Variants in RTL9 observed in about 807,000 individuals in gnomAD.
RTL9 encodes the protein retrotransposon Gag-like protein 9.
In RTL9, 19 loss-of-function variants were observed where a neutral mutation model predicts 44.7. That is an observed-to-expected ratio of 0.42 (90% CI 0.30 to 0.62). The LOEUF is 0.62. Among genes scored for constraint, RTL9 ranks in the 20% least tolerant of loss-of-function variants. The pLI is 0.16. For synonymous variants in RTL9, 407 were observed against 398.9 expected (o/e 1.02, Z -0.24); for missense variants, 1,105 against 1,080.6 (o/e 1.02, Z -0.32).
intron 1 of RTL9, among the ~76,000 whole-genome samples, chrX:110,364,035 T>A (rs1253783885): frequency 9.0e-6 from 1 of 111,632 alleles, no homozygotes; most frequent in Non-Finnish European, 1.9e-5. Context: ...TATTTATACT[T>A]TCACAGTTCT....
At chrX:110,449,473 T>TG (rs1252841690), upstream of RTL9, among the ~76,000 whole-genome samples, 17 of 112,574 alleles carry the variant, frequency 1.5e-4, no homozygotes, top group Admixed American at 4.7e-4. Context: ...GGGCAGGCTG[T>TG]GGGGACATGT....
chrX:110,394,503 T>C (rs112425348), intron 1 of RTL9, among the ~76,000 whole-genome samples: 2 of 112,672 alleles, frequency 1.8e-5, no homozygotes, highest in Non-Finnish European at 3.7e-5. Context: ...TGGTGATATT[T>C]TTGTGACCAG....
chrX:110,418,168 G>A (rs766149963), upstream of RTL9, among the ~76,000 whole-genome samples: 10 of 112,629 alleles, frequency 8.9e-5, no homozygotes, highest in South Asian at 1.5e-3. Context: ...CATGCAGGCC[G>A]GGGACTCTGG....
At chrX:110,422,474 T>A (rs994695111) in intron 1 of RTL9, among the ~76,000 whole-genome samples, 1 of 112,780 alleles carries the variant, frequency 8.9e-6, no homozygotes, top group Non-Finnish European at 1.9e-5. Flanking sequence ...ATTTACCTGT[T>A]CTCCCCAGTT....
intron 1 of RTL9, 26 bp downstream of exon 3, chrX:110,454,690 GT>G: frequency 8.8e-7 from 1 of 1,129,959 alleles, no homozygotes; most frequent in Non-Finnish European, 1.2e-6. Context: ...TCCGCTGAAG[GT>G]TTTTGAGCAG....
rs767511155 is a variant in RTL9 at position 110,376,144 on chromosome X, G to GA, written c.-168+17235dup. On this transcript the variant is annotated intron_variant, in intron 1 of 2. Coordinates refer to the RTL9 transcript ENST00000520821. Reference sequence around the variant, plus strand: ...ATATTTTTGTCTCTGAAGCCAGTGGGAAAAAAACTGCAGATAAATAGATTT... The same window carrying GA: ...ATATTTTTGTCTCTGAAGCCAGTGGGAAAAAAAACTGCAGATAAATAGATTT... Among the ~76,000 whole-genome samples the GA allele has an allele frequency of 2.7e-5, 3 of 111,323 alleles. No homozygotes were observed. The Admixed American group carries it at 2.9e-4, about 11-fold the overall frequency.
At chrX:110,416,104 A>G (rs1236993107), upstream of RTL9, among the ~76,000 whole-genome samples, 1 of 110,429 alleles carries the variant, frequency 9.1e-6, no homozygotes, top group Non-Finnish European at 1.9e-5. Context: ...TGTGTTCTGG[A>G]CTTTGGAGAT....
intron 1 of RTL9, among the ~76,000 whole-genome samples, chrX:110,411,948 C>T (rs760725827): frequency 6.2e-5 from 7 of 112,452 alleles, no homozygotes; most frequent in South Asian, 3.7e-4. Flanking sequence ...AAGGAATAAA[C>T]GAGCTTCTGT....
At chrX:110,442,116 C>T (rs1035413714) in intron 1 of RTL9, among the ~76,000 whole-genome samples, 1 of 110,772 alleles carries the variant, frequency 9.0e-6, no homozygotes, top group East Asian at 2.8e-4. Flanking sequence ...GTAAAGGTGG[C>T]CTTATGGGTA....
At chrX:110,426,404 C>A (rs763700093) in intron 1 of RTL9, among the ~76,000 whole-genome samples, 1 of 111,597 alleles carries the variant, frequency 9.0e-6, no homozygotes, top group East Asian at 2.8e-4. Context: ...GTCTGCTTGC[C>A]CACGGAGGAG....
At chrX:110,454,150 G>A (rs1195102458) in exon 1 of RTL9, 5 of 1,211,957 alleles carry the variant, frequency 4.1e-6, no homozygotes, top group Admixed American at 2.2e-5. Flanking sequence ...CAAATGAAGG[G>A]GTTTTTGGAC....
intron 1 of RTL9, among the ~76,000 whole-genome samples, chrX:110,371,939 T>G (rs1373421107): frequency 9.0e-6 from 1 of 111,642 alleles, no homozygotes; most frequent in Non-Finnish European, 1.9e-5. Context: ...CACTTCCCTG[T>G]TGAATATGCT....
chrX:110,369,411 G>C (rs1477476827), intron 1 of RTL9, among the ~76,000 whole-genome samples: 1 of 111,837 alleles, frequency 8.9e-6, no homozygotes, highest in Non-Finnish European at 1.9e-5. Flanking sequence ...TTTTTGAATA[G>C]GTATTAGGTG....
chrX:110,379,843 A>G (rs751299131), intron 1 of RTL9, among the ~76,000 whole-genome samples: 1 of 112,330 alleles, frequency 8.9e-6, no homozygotes, highest in African/African-American at 3.2e-5. Context: ...AAATATATCA[A>G]TTTAATAACT....
intron 1 of RTL9, among the ~76,000 whole-genome samples, chrX:110,439,503 G>A (rs2068864042): frequency 8.9e-6 from 1 of 112,230 alleles, no homozygotes; most frequent in Non-Finnish European, 1.9e-5. Flanking sequence ...AGATGGAGAA[G>A]CCAGCAGGGG....
intron 1 of RTL9, among the ~76,000 whole-genome samples, chrX:110,406,575 A>C (rs918532970): frequency 8.9e-6 from 1 of 112,044 alleles, no homozygotes; most frequent in Non-Finnish European, 1.9e-5. Context: ...ATAGGTGGGC[A>C]TGTGTCTTTA....
exon 1 of RTL9, chrX:110,451,067 G>A (rs1379920737): frequency 8.3e-7 from 1 of 1,211,957 alleles, no homozygotes; most frequent in Non-Finnish European, 1.1e-6. Flanking sequence ...ATTTTGGAAC[G>A]ATGTCCGCAA....
chrX:110,381,100 A>G (rs2068415558), intron 1 of RTL9, among the ~76,000 whole-genome samples: 1 of 112,262 alleles, frequency 8.9e-6, no homozygotes, highest in South Asian at 3.7e-4. Flanking sequence ...GTGGGATCTA[A>G]TTAAACCAAA....
chrX:110,434,540 G>A (rs1220832194), intron 1 of RTL9, among the ~76,000 whole-genome samples: 2 of 111,536 alleles, frequency 1.8e-5, no homozygotes, highest in East Asian at 2.8e-4. Flanking sequence ...GGCTGTCATG[G>A]GGTCAAGGAG....
Sources: gnomAD v4.1 joint callset for allele counts (sites outside exome capture counted in the v4.1 genomes callset) on GRCh38, gnomAD v4.1.1 for gene constraint, MANE v1.5 for transcripts, NCBI Gene and HGNC (gene_info 2026-07-23, HGNC 2026-07-21) for gene names.